The following TSHZ1 variants were observed in gnomAD, a reference collection of about 807,000 sequenced individuals.
The protein encoded by TSHZ1 is teashirt zinc finger homeobox 1.
TSHZ1 carries 12 observed loss-of-function variants against 67.1 expected under a neutral mutation model. The observed-to-expected ratio is 0.18, with a 90% CI of 0.11 to 0.29. The LOEUF (loss-of-function observed/expected upper bound fraction) is 0.29, where lower values mean the gene tolerates loss of function less well. Ranked by LOEUF, TSHZ1 falls within the 10% of genes least tolerant of loss-of-function variation. The probability of loss-of-function intolerance (pLI) is 1.00; values close to 1 mark genes in which losing one functional copy is unlikely to be tolerated. For missense variants in TSHZ1, 1,305 were observed against 1,413.9 expected (o/e 0.92, Z 1.23); for synonymous variants, 632 against 622.4 (o/e 1.02, Z -0.23).
intron 1 of TSHZ1, among the ~76,000 whole-genome samples, chr18:75,277,627 A>T (rs1345323964): frequency 6.6e-6 from 1 of 152,108 alleles, no homozygotes; most frequent in Non-Finnish European, 1.5e-5. Flanking sequence ...AGAAGGGGCA[A>T]GCCAGCTCTC....
At position 75,287,082 on chromosome 18, in the gene TSHZ1, G is replaced by A. The variant is rs368302611; in HGVS notation, c.1675G>A (p.Val559Ile). Reference sequence around the variant, plus strand: ...CATTCTCAAGTCCCTGGAGAATACCGTCTCCACGGCCATTAGCAAAGCTCA... The same window carrying A: ...CATTCTCAAGTCCCTGGAGAATACCATCTCCACGGCCATTAGCAAAGCTCA... ...LDILKSLENT[V>I]STAISKAQNG... is the part of the protein sequence containing the mutation. Residue 559 changes from valine (V) to isoleucine (I), a missense_variant, in exon 2 of 2, where the codon GTC becomes ATC. Physicochemically the swap from Val to Ile is conservative, Grantham distance 29. Transcript: ENST00000580243. This position sits in a 1 kb window ranked among gnomAD's most constrained non-coding sequence, Gnocchi z 5.0. 177 of 1,613,954 alleles carry A rather than the reference G, an allele frequency of 1.1e-4. No homozygotes were observed. Among genetic ancestry groups the A allele is most frequent in the East Asian group, 2.0e-4 (9 of 44,882 alleles).
At chr18:75,248,500 T>G (rs1018437954) in intron 1 of TSHZ1, among the ~76,000 whole-genome samples, 3 of 152,260 alleles carry the variant, frequency 2.0e-5, no homozygotes, top group Non-Finnish European at 4.4e-5. Context: ...AAGGGTTATT[T>G]ATCGTAAGAT....
chr18:75,278,447 C>T (rs899395568), intron 1 of TSHZ1, among the ~76,000 whole-genome samples: 14 of 152,160 alleles, frequency 9.2e-5, no homozygotes, highest in African/African-American at 2.9e-4. Flanking sequence ...GACTCCTGGC[C>T]GCCTTCTCCC....
intron 1 of TSHZ1, among the ~76,000 whole-genome samples, chr18:75,249,422 G>T (rs2023265257): frequency 6.7e-6 from 1 of 148,214 alleles, no homozygotes; most frequent in South Asian, 2.2e-4. Flanking sequence ...GCGGGTGGGT[G>T]GGGGGAACAG....
intron 1 of TSHZ1, among the ~76,000 whole-genome samples, chr18:75,233,680 AC>A (rs35633667): frequency 6.6e-6 from 1 of 152,182 alleles, no homozygotes; most frequent in Non-Finnish European, 1.5e-5. Context: ...AAGAGAAACT[AC>A]CTGTTTGCTG....
chr18:75,221,377 G>A (rs2122518727), intron 1 of TSHZ1, among the ~76,000 whole-genome samples: 1 of 152,270 alleles, frequency 6.6e-6, no homozygotes, highest in South Asian at 2.1e-4. Flanking sequence ...AGCAGTGAAG[G>A]TCAGTATACA....
At chr18:75,246,701 T>C (rs1281799670) in intron 1 of TSHZ1, among the ~76,000 whole-genome samples, 1 of 152,114 alleles carries the variant, frequency 6.6e-6, no homozygotes. Flanking sequence ...GTGGCCTTTT[T>C]TTGTTTTTAG....
intron 1 of TSHZ1, among the ~76,000 whole-genome samples, chr18:75,236,732 C>T (rs1230282913): frequency 6.6e-6 from 1 of 151,990 alleles, no homozygotes; most frequent in African/African-American, 2.4e-5. Flanking sequence ...GCTGAATTGA[C>T]TATATTCCTG....
At chr18:75,251,744 A>G (rs1264325318) in intron 1 of TSHZ1, among the ~76,000 whole-genome samples, 1 of 152,134 alleles carries the variant, frequency 6.6e-6, no homozygotes, top group Non-Finnish European at 1.5e-5. Context: ...TTTATGAGAC[A>G]AAGGTATTTT....
rs529413067 is a variant in TSHZ1, at chr18:75,287,498, C to T, written c.2091C>T (p.Ala697=). ...AACCACAGAAGAAGGGCCCTGAGGCCGAGACTGGGAAGGCCAAAAAGGAGG... is the reference window on the plus strand; with the variant it reads ...AACCACAGAAGAAGGGCCCTGAGGCTGAGACTGGGAAGGCCAAAAAGGAGG... The part of the protein sequence containing the change: ...SGKPQKKGPE[A]ETGKAKKEGP... Residue 697 remains alanine, a synonymous_variant, in exon 2 of 2, where the codon GCC becomes GCT. Transcript: ENST00000580243. The surrounding 1 kb of genome is among the most constrained non-coding windows in gnomAD (Gnocchi z 5.0). 8 of 1,614,174 alleles carry T rather than the reference C, an allele frequency of 5.0e-6. No homozygotes were observed. Among genetic ancestry groups the T allele is most frequent in the South Asian group, 3.3e-5 (3 of 91,078 alleles).
At chr18:75,235,364 C>T (rs1245215589) in intron 1 of TSHZ1, among the ~76,000 whole-genome samples, 1 of 152,118 alleles carries the variant, frequency 6.6e-6, no homozygotes, top group East Asian at 1.9e-4. Flanking sequence ...GCTTTGACCT[C>T]AACATCAAAA....
At chr18:75,235,477 G>T (rs756798831) in intron 1 of TSHZ1, among the ~76,000 whole-genome samples, 6 of 152,120 alleles carry the variant, frequency 3.9e-5, no homozygotes, top group Non-Finnish European at 8.8e-5. Flanking sequence ...TTCCTACCTT[G>T]TGGAGTTCAT....
At chr18:75,232,529 T>C (rs2023013340) in intron 1 of TSHZ1, among the ~76,000 whole-genome samples, 1 of 152,216 alleles carries the variant, frequency 6.6e-6, no homozygotes, top group Non-Finnish European at 1.5e-5. Context: ...ATATATCTTA[T>C]TTATTTAGTA....
chr18:75,273,987 A>G (rs1229717992), intron 1 of TSHZ1, among the ~76,000 whole-genome samples: 1 of 151,934 alleles, frequency 6.6e-6, no homozygotes, highest in African/African-American at 2.4e-5. Context: ...ACACCCACCC[A>G]CACATGCATG....
At chr18:75,265,705 C>G (rs988876153) in intron 1 of TSHZ1, among the ~76,000 whole-genome samples, 7 of 152,182 alleles carry the variant, frequency 4.6e-5, no homozygotes, top group African/African-American at 1.7e-4. Context: ...AAATCTGCTT[C>G]TCCCCCATCT....
In TSHZ1 at chr18:75,287,554, C is replaced by A; in HGVS notation, c.2147C>A (p.Thr716Lys). 6.2e-7 allele frequency: 1 copy of A among 1,614,246 alleles called. No individual in the cohort carries two copies. ...CTGGACGTTCACACCCCAAATGGCA[C>A]AGAGCCTCTCAAAGCAAAGGTCACC... ...GPLDVHTPNG[T>K]EPLKAKVTNG... is the part of the protein sequence containing the mutation. Residue 716 changes from threonine (T) to lysine (K), a missense_variant, in exon 2 of 2, where the codon ACA (threonine) becomes AAA (lysine). Coordinates refer to ENST00000580243, the MANE Select transcript of TSHZ1 (RefSeq NM_001308210.2). The surrounding 1 kb of genome is among the most constrained non-coding windows in gnomAD (Gnocchi z 5.0).
At chr18:75,278,683 C>T (rs940863047) in intron 1 of TSHZ1, among the ~76,000 whole-genome samples, 13 of 151,940 alleles carry the variant, frequency 8.6e-5, no homozygotes, top group African/African-American at 3.1e-4. Context: ...CCTGGTTGAG[C>T]CTTGGGAGGG....
At chr18:75,229,581 CTTG>C (rs2022970831) in intron 1 of TSHZ1, among the ~76,000 whole-genome samples, 1 of 152,224 alleles carries the variant, frequency 6.6e-6, no homozygotes, top group Non-Finnish European at 1.5e-5. Flanking sequence ...GCTCCCGGTG[CTTG>C]TTGAGGGACT....
At chr18:75,267,308 G>C (rs1037902998) in intron 1 of TSHZ1, among the ~76,000 whole-genome samples, 12 of 152,360 alleles carry the variant, frequency 7.9e-5, no homozygotes, top group African/African-American at 2.6e-4. Context: ...ACATAGGATA[G>C]TCACAGAACA....
Sources: allele counts gnomAD v4.1 joint callset (sites outside exome capture counted in the v4.1 genomes callset), GRCh38; gene constraint gnomAD v4.1.1; non-coding constraint Gnocchi (gnomAD v3.1); transcripts MANE v1.5; gene names NCBI Gene and HGNC (gene_info 2026-07-23, HGNC 2026-07-21).